The following DGKB variants were observed in gnomAD, a reference collection of about 807,000 sequenced individuals.
The protein encoded by DGKB is diacylglycerol kinase beta.
A neutral mutation model predicts 114.3 loss-of-function variants in DGKB; 67 were observed. The ratio of observed to expected loss-of-function variants is 0.59; its 90% CI spans 0.48 to 0.72. The LOEUF is 0.72. DGKB is among the 30% of genes least tolerant of loss of function. DGKB has a pLI of 0.00. For missense variants in DGKB, 907 were observed against 975.2 expected, an observed-to-expected ratio of 0.93 and a Z score of 0.93; for synonymous variants, 398 against 323.1, an observed-to-expected ratio of 1.23 and a Z score of -2.49.
intron 21 of DGKB, among the ~76,000 whole-genome samples, chr7:14,352,026 A>G (rs561135660): frequency 1.3e-5 from 2 of 152,302 alleles, no homozygotes; most frequent in East Asian, 1.9e-4. Flanking sequence ...ATATTTCTAG[A>G]CAACAGGTAG....
At chr7:14,654,289 A>G (rs1815309296) in intron 13 of DGKB, among the ~76,000 whole-genome samples, 2 of 152,196 alleles carry the variant, frequency 1.3e-5, no homozygotes, top group South Asian at 2.1e-4. Context: ...CATTTATAAT[A>G]GCTTAAATAA....
At chr7:14,574,422 A>T in intron 19 of DGKB, 50 bp from the exon 20 acceptor site, 1 of 1,519,872 alleles carries the variant, frequency 6.6e-7, no homozygotes, top group Non-Finnish European at 8.9e-7. Context: ...CCAAATAAAA[A>T]AGCTGTATTT....
At chr7:14,317,084 AC>A (rs1281819480) in intron 23 of DGKB, among the ~76,000 whole-genome samples, 1 of 67,858 alleles carries the variant, frequency 1.5e-5, no homozygotes, top group Non-Finnish European at 2.8e-5. Flanking sequence ...AAATTCAACA[AC>A]CCTTCATGCT....
At chr7:14,698,637 T>C (rs1341758166) in intron 7 of DGKB, among the ~76,000 whole-genome samples, 1 of 152,112 alleles carries the variant, frequency 6.6e-6, no homozygotes, top group Non-Finnish European at 1.5e-5. Flanking sequence ...AATAATTTGC[T>C]CTTGAAAGAA....
At chr7:14,502,465 G>C (rs998647085) in intron 20 of DGKB, among the ~76,000 whole-genome samples, 2 of 151,980 alleles carry the variant, frequency 1.3e-5, no homozygotes, top group Non-Finnish European at 2.9e-5. Flanking sequence ...GCTGTTTAAA[G>C]CCATTACACT....
At chr7:14,723,851 A>C (rs1209307658) in intron 5 of DGKB, among the ~76,000 whole-genome samples, 4 of 152,160 alleles carry the variant, frequency 2.6e-5, no homozygotes, top group Non-Finnish European at 5.9e-5. Context: ...ATTTCTAAGC[A>C]CATGATTTTC....
chr7:14,283,081 T>A (rs1800245140), intron 23 of DGKB, among the ~76,000 whole-genome samples: 2 of 151,788 alleles, frequency 1.3e-5, no homozygotes, highest in Admixed American at 1.3e-4. Flanking sequence ...TTGTCCCTGT[T>A]TGCAGATGAC....
chr7:14,590,173 AAC>A (rs35940178), intron 17 of DGKB, among the ~76,000 whole-genome samples: 73,170 of 140,046 alleles, frequency 0.52, 18,265 homozygotes, highest in Non-Finnish European at 0.57. Flanking sequence ...TAAAAAAAAA[AAC>A]ATTAAAGAGA....
chr7:14,823,940 A>T (rs571406223), intron 2 of DGKB, among the ~76,000 whole-genome samples: 2 of 152,272 alleles, frequency 1.3e-5, no homozygotes, highest in African/African-American at 4.8e-5. Flanking sequence ...GATCATTTAT[A>T]AAAGAAAGAG....
At chr7:14,767,872 G>A (rs1836704602) in intron 2 of DGKB, among the ~76,000 whole-genome samples, 1 of 151,718 alleles carries the variant, frequency 6.6e-6, no homozygotes, top group South Asian at 2.1e-4. Context: ...TTCTTATGTG[G>A]GTTGCAAAAC....
upstream of DGKB, chr7:14,902,891 C>G (rs537072738): frequency 6.6e-6 from 1 of 152,244 alleles, no homozygotes; most frequent in African/African-American, 2.4e-5. Context: ...GTTCACCCGT[C>G]TCTGATCATT....
At chr7:14,619,963 C>G (rs2128812306) in intron 15 of DGKB, among the ~76,000 whole-genome samples, 1 of 151,722 alleles carries the variant, frequency 6.6e-6, no homozygotes, top group African/African-American at 2.4e-5. Flanking sequence ...GCTTCCCTTT[C>G]ATTAATTTCA....
intron 25 of DGKB, among the ~76,000 whole-genome samples, chr7:14,164,959 C>G (rs970731746): frequency 5.9e-5 from 9 of 151,988 alleles, no homozygotes; most frequent in African/African-American, 2.2e-4. Flanking sequence ...GGTTTTAGGA[C>G]TAGGAAAATA....
intron 1 of DGKB, among the ~76,000 whole-genome samples, chr7:14,923,047 TC>T (rs1383495346): frequency 6.6e-6 from 1 of 152,162 alleles, no homozygotes; most frequent in Non-Finnish European, 1.5e-5. Flanking sequence ...TAACCATTCT[TC>T]TAGAATTGCT....
intron 21 of DGKB, among the ~76,000 whole-genome samples, chr7:14,358,609 C>A (rs143053199): frequency 0.023 from 3,547 of 152,262 alleles, 119 homozygotes; most frequent in African/African-American, 0.077. Context: ...AGCAAAGTCT[C>A]ATGATACAAA....
At chr7:14,970,474 G>T (rs1459357918) in intron 1 of DGKB, among the ~76,000 whole-genome samples, 1 of 151,458 alleles carries the variant, frequency 6.6e-6, no homozygotes, top group Non-Finnish European at 1.5e-5. Context: ...TAAAAAAAAA[G>T]ATTTATAAAG....
intron 20 of DGKB, among the ~76,000 whole-genome samples, chr7:14,552,867 G>C (rs1283150068): frequency 6.6e-6 from 1 of 152,214 alleles, no homozygotes; most frequent in Non-Finnish European, 1.5e-5. Flanking sequence ...ACAAGGACAA[G>C]AACATGATAA....
At chr7:14,309,871 A>G (rs2128503678) in intron 23 of DGKB, among the ~76,000 whole-genome samples, 1 of 152,334 alleles carries the variant, frequency 6.6e-6, no homozygotes, top group Admixed American at 6.5e-5. Context: ...AAGAGTACAC[A>G]GAGTATGTAG....
rs564886064 is a variant in DGKB, at chr7:14,793,383, G to A, written c.71-35652C>T. ...AAAACATTCCTGTCTTTTCCCCTAC[G>A]CATCTCAGTTAGGACACTCTAAATG... is the stretch of plus-strand genomic sequence containing the variant. On this transcript the variant is annotated intron_variant, in intron 2 of 25. Coordinates refer to ENST00000402815, the MANE Select transcript of DGKB (RefSeq NM_001350709.2). Among the ~76,000 whole-genome samples, 297 of 151,964 alleles carry A rather than the reference G, an allele frequency of 2.0e-3. 4 individuals are homozygous for A. Among genetic ancestry groups the A allele is most frequent in the Non-Finnish European group, 3.0e-3 (206 of 67,932 alleles).
Sources: allele counts gnomAD v4.1 joint callset (sites outside exome capture counted in the v4.1 genomes callset), GRCh38; gene constraint gnomAD v4.1.1; transcripts MANE v1.5; gene names NCBI Gene and HGNC (gene_info 2026-07-23, HGNC 2026-07-21).